The following PDE3A variants were observed in gnomAD, a reference collection of about 807,000 sequenced individuals.
The protein encoded by PDE3A is cGMP-inhibited 3',5'-cyclic phosphodiesterase 3A.
PDE3A carries 43 observed loss-of-function variants against 98.3 expected under a neutral mutation model. The observed-to-expected ratio is 0.44, with a 90% CI of 0.34 to 0.56. PDE3A has a LOEUF of 0.56. Among genes scored for constraint, PDE3A ranks in the 20% least tolerant of loss-of-function variants. The pLI is 0.01. For synonymous variants in PDE3A, 663 were observed against 567.9 expected, an observed-to-expected ratio of 1.17 and a Z score of -2.38; for missense variants, 1,427 against 1,440.7, an observed-to-expected ratio of 0.99 and a Z score of 0.15.
intron 2 of PDE3A, among the ~76,000 whole-genome samples, chr12:20,603,659 C>G (rs569724959): frequency 6.6e-6 from 1 of 152,100 alleles, no homozygotes; most frequent in Admixed American, 6.6e-5. Flanking sequence ...CAAACACCCA[C>G]GTGCACAACA....
At chr12:20,438,748 T>C (rs1177235578) in intron 1 of PDE3A, among the ~76,000 whole-genome samples, 1 of 149,246 alleles carries the variant, frequency 6.7e-6, no homozygotes. Context: ...GATTCTCTTG[T>C]CACTTAAGAT....
chr12:20,580,733 G>A (rs765067803), intron 2 of PDE3A, among the ~76,000 whole-genome samples: 15 of 152,168 alleles, frequency 9.9e-5, no homozygotes, highest in Non-Finnish European at 1.6e-4. Context: ...GAGCAATAAT[G>A]TGTGCTAAGT....
intron 13 of PDE3A, among the ~76,000 whole-genome samples, chr12:20,649,257 T>C (rs949334746): frequency 1.3e-5 from 2 of 152,032 alleles, no homozygotes; most frequent in Non-Finnish European, 2.9e-5. Flanking sequence ...TATAGACACA[T>C]TGAAAGATAT....
At chr12:20,559,581 G>A (rs1165051029) in intron 2 of PDE3A, among the ~76,000 whole-genome samples, 2 of 151,524 alleles carry the variant, frequency 1.3e-5, no homozygotes, top group African/African-American at 4.8e-5. Flanking sequence ...TGAGACAGGA[G>A]AATCTCTTGA....
intron 1 of PDE3A, among the ~76,000 whole-genome samples, chr12:20,492,187 T>G (rs1239693715): frequency 6.6e-6 from 1 of 152,116 alleles, no homozygotes; most frequent in Non-Finnish European, 1.5e-5. Context: ...CACCACGTTG[T>G]CCAAGCTGGT....
At chr12:20,423,245 T>G (rs1466727800) in intron 1 of PDE3A, among the ~76,000 whole-genome samples, 1 of 152,194 alleles carries the variant, frequency 6.6e-6, no homozygotes, top group Non-Finnish European at 1.5e-5. Flanking sequence ...GGTATGAAAG[T>G]TACAATAAAT....
At chr12:20,489,892 C>T (rs570640411) in intron 1 of PDE3A, among the ~76,000 whole-genome samples, 8 of 152,196 alleles carry the variant, frequency 5.3e-5, no homozygotes, top group South Asian at 2.1e-4. Flanking sequence ...GAGGTGTTGA[C>T]GTCATAGAGG....
At chr12:20,475,720 C>T (rs1945521056) in intron 1 of PDE3A, among the ~76,000 whole-genome samples, 2 of 150,780 alleles carry the variant, frequency 1.3e-5, no homozygotes, top group African/African-American at 4.9e-5. Context: ...ACACACCATA[C>T]ACACACACAC....
chr12:20,671,176 A>G (rs1056456168), intron 15 of PDE3A, among the ~76,000 whole-genome samples: 1 of 147,910 alleles, frequency 6.8e-6, no homozygotes, highest in Non-Finnish European at 1.5e-5. Context: ...GAATAGACCA[A>G]TAACAGGATC....
rs542330307 is a variant in PDE3A at position 20,512,354 on chromosome 12, C to T, written c.961-44306C>T. Among the ~76,000 whole-genome samples, 9 of 152,024 alleles carry T rather than the reference C, an allele frequency of 5.9e-5. No homozygotes were observed. The East Asian group carries it at 7.7e-4, about 13-fold the overall frequency. ...AATTTTGTTTAAAAAACAAAAAATC[C>T]GCTCTGCAAATTATACACTCTTTAA... On this transcript the variant is annotated intron_variant, in intron 1 of 15. Transcript: ENST00000359062.
At chr12:20,655,946 G>A (rs989641846) in intron 15 of PDE3A, among the ~76,000 whole-genome samples, 2 of 152,272 alleles carry the variant, frequency 1.3e-5, no homozygotes, top group South Asian at 4.1e-4. Flanking sequence ...TGGCTGGAGT[G>A]CATCATGTGG....
At chr12:20,561,434 A>G (rs183577822) in intron 2 of PDE3A, among the ~76,000 whole-genome samples, 5 of 152,192 alleles carry the variant, frequency 3.3e-5, no homozygotes, top group Non-Finnish European at 7.3e-5. Flanking sequence ...TAGATATCTA[A>G]AAAAGGGAAC....
At chr12:20,556,919 T>C in intron 2 of PDE3A, 1 of 606,512 alleles carries the variant, frequency 1.6e-6, no homozygotes, top group Non-Finnish European at 2.9e-6. Context: ...AGCTTTCTGG[T>C]ATCCCAGATT....
At chr12:20,501,902 T>A (rs1040134571) in intron 1 of PDE3A, among the ~76,000 whole-genome samples, 2 of 152,154 alleles carry the variant, frequency 1.3e-5, no homozygotes, top group Admixed American at 1.3e-4. Context: ...ATGCAGTGCA[T>A]CCTGATATGA....
At chr12:20,501,682 TA>T (rs1245876563) in intron 1 of PDE3A, among the ~76,000 whole-genome samples, 1 of 152,194 alleles carries the variant, frequency 6.6e-6, no homozygotes. Flanking sequence ...AAAATGAAGC[TA>T]TTTTTTAGTG....
chr12:20,536,610 A>G (rs1941755042), intron 1 of PDE3A, among the ~76,000 whole-genome samples: 1 of 152,038 alleles, frequency 6.6e-6, no homozygotes, highest in Non-Finnish European at 1.5e-5. Context: ...CCTATTCCAG[A>G]CTTTTCTTAT....
intron 1 of PDE3A, among the ~76,000 whole-genome samples, chr12:20,506,450 T>C (rs1946120803): frequency 6.6e-6 from 1 of 152,090 alleles, no homozygotes; most frequent in African/African-American, 2.4e-5. Context: ...ATTTAATGTA[T>C]GAATGAGTAC....
At chr12:20,546,409 G>C (rs1942059898) in intron 1 of PDE3A, among the ~76,000 whole-genome samples, 2 of 151,668 alleles carry the variant, frequency 1.3e-5, no homozygotes, top group African/African-American at 4.8e-5. Flanking sequence ...AAAATGACTA[G>C]ACAGGTGCTG....
rs1206096419 is a variant in PDE3A, at chr12:20,475,169, ATGTGTGTGAGTGTGTG to A, written c.961-81482_961-81467del. Among the ~76,000 whole-genome samples the A allele has an allele frequency of 8.8e-3, 846 of 96,502 alleles. 12 individuals carry two copies. The highest frequency in any genetic ancestry group is 0.03 in the African/African-American group (799 of 26,516). The allele number at this position is 96,502 out of a possible 152,430, so 63.3% of individuals were successfully genotyped here. On this transcript the variant is annotated intron_variant, in intron 1 of 15. Coordinates refer to ENST00000359062, the MANE Select transcript of PDE3A (RefSeq NM_000921.5). ...TATACCAAATGTAGGAGAGGAAAAA[ATGTGTGTGAGTGTGTG>A]TGTGTGTGTGTGTGTGTGTGTGTGT... is the stretch of plus-strand genomic sequence containing the variant.
Sources: allele counts gnomAD v4.1 joint callset (sites outside exome capture counted in the v4.1 genomes callset), GRCh38; gene constraint gnomAD v4.1.1; transcripts MANE v1.5; gene names NCBI Gene and HGNC (gene_info 2026-07-23, HGNC 2026-07-21).